MCC: variants seen among roughly 807,000 people sequenced by gnomAD.
MCC encodes colorectal mutant cancer protein.
Under a neutral mutation model 116.2 loss-of-function variants are expected in MCC, and 90 were observed. The observed-to-expected ratio is 0.77, with a 90% confidence interval of 0.65 to 0.92. The LOEUF is 0.92. Among genes scored for constraint, MCC ranks in the 40% least tolerant of loss-of-function variants. The pLI, the probability that MCC is intolerant of heterozygous loss-of-function variation, is 0.00. For missense variants in MCC, 1,516 were observed against 1,312.2 expected, an observed-to-expected ratio of 1.16 and a Z score of -2.40; for synonymous variants, 578 against 510.5, an observed-to-expected ratio of 1.13 and a Z score of -1.78.
Position 113,467,268 on chromosome 5 carries a change from G to C in MCC, c.170+20977C>G, listed in dbSNP as rs1771936750. 2.0e-5 allele frequency among the ~76,000 whole-genome samples: 3 copies of C among 150,346 alleles called. No individual in the cohort carries two copies. In the South Asian group the frequency reaches 6.4e-4, roughly 32 times the overall value. Reference sequence around the variant, plus strand: ...ACATGAAGTCCTTGCCCATGCCTATGTCCTGAATGGTATTGCCTAGGTTTT... The same window carrying C: ...ACATGAAGTCCTTGCCCATGCCTATCTCCTGAATGGTATTGCCTAGGTTTT... On this transcript the variant is annotated intron_variant, in intron 1 of 18. Transcript: ENST00000408903.
At chr5:113,263,987 C>T (rs868382125) in intron 3 of MCC, among the ~76,000 whole-genome samples, 39 of 151,612 alleles carry the variant, frequency 2.6e-4, no homozygotes, top group Non-Finnish European at 5.3e-4. Context: ...CTGATTTTGC[C>T]TAAGTCACGC....
intron 3 of MCC, among the ~76,000 whole-genome samples, chr5:113,211,008 T>A (rs1423217635): frequency 6.6e-6 from 1 of 152,170 alleles, no homozygotes; most frequent in Non-Finnish European, 1.5e-5. Flanking sequence ...CTGGTGTAAT[T>A]AGTGGTGTTA....
chr5:113,027,476 C>T lies in MCC; in HGVS notation c.2886G>A (p.Leu962=). 2 of 1,614,116 alleles carry T rather than the reference C, an allele frequency of 1.2e-6. No homozygotes were observed. The highest frequency in any genetic ancestry group is 1.7e-6 in the Non-Finnish European group (2 of 1,180,008). Residue 962 remains leucine, a synonymous_variant, in exon 19 of 19, where the codon CTG becomes CTA. Transcript: ENST00000408903. The part of the protein sequence containing the change: ...VNDLKRANSN[L]VAAYEKAKKK... Reference sequence around the variant, plus strand: ...TCTTTGCTTTCTCATAGGCAGCCACCAGGTTGCTAGGTGGGAATGAAGGGA... The same window carrying T: ...TCTTTGCTTTCTCATAGGCAGCCACTAGGTTGCTAGGTGGGAATGAAGGGA...
chr5:113,226,966 T>C (rs950383584), intron 3 of MCC, among the ~76,000 whole-genome samples: 9 of 152,206 alleles, frequency 5.9e-5, no homozygotes, highest in African/African-American at 2.2e-4. Flanking sequence ...GACTTGTATA[T>C]TACTGTGAAC....
At position 113,025,201 on chromosome 5, in the gene MCC, G is replaced by C. The variant is rs924199605; in HGVS notation, c.*2101C>G. 2 of 151,504 alleles carry C rather than the reference G, an allele frequency of 1.3e-5. No homozygotes were observed. The highest frequency in any genetic ancestry group is 2.9e-5 in the Non-Finnish European group (2 of 67,980). 9.4% of individuals were successfully genotyped at this position (151,504 alleles called of 1,614,324 possible). On this transcript the variant is annotated 3_prime_UTR_variant, in exon 19 of 19. Transcript: ENST00000408903. ...CATGCACATCCCACTTTGCTCAGGG[G>C]AGGACGTTTCCCTAGGCAAGCTGGA...
At chr5:113,412,337 C>T (rs1770016017) in intron 1 of MCC, among the ~76,000 whole-genome samples, 2 of 152,144 alleles carry the variant, frequency 1.3e-5, no homozygotes, top group Non-Finnish European at 2.9e-5. Context: ...ATGGGGATGG[C>T]ATTGAATCTA....
intron 14 of MCC, 96 bp downstream of exon 14, chr5:113,063,888 A>G: frequency 7.4e-7 from 1 of 1,358,418 alleles, no homozygotes; most frequent in Non-Finnish European, 1.0e-6. Context: ...TTCCCAAGCC[A>G]CACAGTCCCC....
At chr5:113,447,390 G>C (rs1257019966) in intron 1 of MCC, among the ~76,000 whole-genome samples, 1 of 152,210 alleles carries the variant, frequency 6.6e-6, no homozygotes, top group Non-Finnish European at 1.5e-5. Context: ...ACACATGCTT[G>C]TTATGTACAA....
intron 3 of MCC, among the ~76,000 whole-genome samples, chr5:113,295,143 A>G (rs890360018): frequency 1.1e-4 from 16 of 151,804 alleles, no homozygotes; most frequent in African/African-American, 3.9e-4. Flanking sequence ...AGAAACAGGA[A>G]AAGCCACCTG....
At chr5:113,329,067 C>A (rs775918328) in intron 3 of MCC, among the ~76,000 whole-genome samples, 19 of 152,286 alleles carry the variant, frequency 1.2e-4, no homozygotes, top group Non-Finnish European at 1.6e-4. Flanking sequence ...GCCAGGCAAC[C>A]TCTGTAATCC....
At chr5:113,280,414 G>A (rs1766000993) in intron 3 of MCC, among the ~76,000 whole-genome samples, 1 of 152,124 alleles carries the variant, frequency 6.6e-6, no homozygotes, top group South Asian at 2.1e-4. Context: ...ACAATGTAGG[G>A]TATGTTCTGA....
At chr5:113,048,780 C>T (rs1057118506) in intron 16 of MCC, 3 of 479,014 alleles carry the variant, frequency 6.3e-6, no homozygotes, top group South Asian at 4.3e-5. Flanking sequence ...TGAGGGCTGC[C>T]GTGTGACAGA....
At chr5:113,046,976 C>T (rs1420514300) in intron 16 of MCC, among the ~76,000 whole-genome samples, 2 of 152,188 alleles carry the variant, frequency 1.3e-5, no homozygotes, top group Admixed American at 6.5e-5. Context: ...ATCAACTCCA[C>T]AACCCTCCGG....
Position 113,251,636 on chromosome 5 carries a change from C to A in MCC, c.627+88883G>T, listed in dbSNP as rs149105493. On this transcript the variant is annotated intron_variant, in intron 3 of 18. Coordinates refer to ENST00000408903, the MANE Select transcript of MCC (RefSeq NM_001085377.2). ...CATTACCACAGTGAGGAAGACTGTT[C>A]TAGTTTTGCCAGATCTTCTGACTTC... Among the ~76,000 whole-genome samples, 63 of 152,292 alleles carry A rather than the reference C, an allele frequency of 4.1e-4. 1 individual carries two copies. The East Asian group carries it at 0.011, about 28-fold the overall frequency.
Position 113,346,941 on chromosome 5 carries a change from G to GA in MCC, c.416-6212dup, listed in dbSNP as rs781393596. ...GCATGACATATTTAAAGTGCTGAAG[G>GA]AAAAAAAAAAAAAACCCTTTTACAC... On this transcript the variant is annotated intron_variant, in intron 2 of 18. Transcript: ENST00000408903. 3.5e-3 allele frequency among the ~76,000 whole-genome samples: 456 copies of GA among 131,370 alleles called. 1 individual carries two copies. Among genetic ancestry groups the GA allele is most frequent in the African/African-American group, 4.1e-3 (147 of 35,966 alleles). 86.2% of individuals were successfully genotyped at this position (131,370 alleles called of 152,430 possible). A position where few individuals can be genotyped will look rare whatever the true frequency, so the allele number is the denominator to read the frequency against.
intron 3 of MCC, among the ~76,000 whole-genome samples, chr5:113,317,533 G>A (rs1767315847): frequency 6.6e-6 from 1 of 152,170 alleles, no homozygotes. Context: ...TATCATAAAG[G>A]GATGTTTATG....
At chr5:113,098,198 G>A (rs1053606727) in intron 8 of MCC, among the ~76,000 whole-genome samples, 1 of 152,138 alleles carries the variant, frequency 6.6e-6, no homozygotes, top group Non-Finnish European at 1.5e-5. Flanking sequence ...GCCACATCAT[G>A]GCTGACTTAA....
chr5:113,115,736 G>A (rs11241193), intron 6 of MCC, among the ~76,000 whole-genome samples: 69,412 of 151,786 alleles, frequency 0.46, 17,451 homozygotes, highest in East Asian at 0.72. Flanking sequence ...TATGTGAAAA[G>A]AAGTTCAAAT....
chr5:113,217,503 T>C (rs1454161119), intron 3 of MCC, among the ~76,000 whole-genome samples: 1 of 149,328 alleles, frequency 6.7e-6, no homozygotes, highest in Admixed American at 6.6e-5. Flanking sequence ...GGTAAGTACA[T>C]GGGGGCTAGA....
Sources: gnomAD v4.1 joint callset for allele counts (sites outside exome capture counted in the v4.1 genomes callset) on GRCh38, gnomAD v4.1.1 for gene constraint, MANE v1.5 for transcripts, NCBI Gene and HGNC (gene_info 2026-07-23, HGNC 2026-07-21) for gene names.